KRT80: variants seen among roughly 807,000 people sequenced by gnomAD.
KRT80 encodes keratin 80.
KRT80 carries 36 observed loss-of-function variants against 51.5 expected under a neutral mutation model. That is an observed-to-expected ratio of 0.70 (90% CI 0.54 to 0.92). KRT80 has a LOEUF of 0.92. Among genes scored for constraint, KRT80 ranks in the 40% least tolerant of loss-of-function variants. The probability of loss-of-function intolerance (pLI) is 0.00; values close to 1 mark genes in which losing one functional copy is unlikely to be tolerated. For synonymous variants in KRT80, 235 were observed against 248.3 expected (o/e 0.95, Z 0.50); for missense variants, 566 against 591.7 (o/e 0.96, Z 0.45).
chr12:52,191,750 C>T lies in KRT80; in HGVS notation c.153G>A (p.Ser51=), dbSNP rs201490057. 3.5e-5 allele frequency: 56 copies of T among 1,613,364 alleles called. No homozygotes were observed. The highest frequency in any genetic ancestry group is 2.7e-4 in the Admixed American group (16 of 60,016). ...CAGTCACCTTGGAGATAGTGCCAGC[C>T]GACCAGCAGCCTGTGAGGCTGCGGG... ...FSSRSLTGCW[S]AGTISKVTVN... The change falls in exon 1 of 9, where the codon TCG becomes TCA. Residue 51 remains serine, a synonymous_variant. Transcript: ENST00000394815.
chr12:52,177,353 C>T (rs564634546), intron 4 of KRT80, among the ~76,000 whole-genome samples: 4 of 152,256 alleles, frequency 2.6e-5, no homozygotes, highest in Non-Finnish European at 4.4e-5. Flanking sequence ...GGATGGACCT[C>T]CCTCGAGGTG....
At chr12:52,191,534 AAC>A (rs1172728570) in intron 1 of KRT80, 67 bp downstream of exon 1, 6 of 1,436,688 alleles carry the variant, frequency 4.2e-6, no homozygotes, top group Non-Finnish European at 4.7e-6. Flanking sequence ...TGCTCAGGGA[AAC>A]ACAGAGCTCA....
chr12:52,173,219 G>T, intron 5 of KRT80, 56 bp from the exon 6 acceptor site: 1 of 1,496,532 alleles, frequency 6.7e-7, no homozygotes. Flanking sequence ...CCCAGCACTT[G>T]TTACCCGCCT....
rs1941144414 is a variant in KRT80, at chr12:52,173,086, A to G, written c.909T>C (p.Asn303=). The G allele has an allele frequency of 2.5e-6, 4 of 1,613,368 alleles. No individual in the cohort carries two copies. Among genetic ancestry groups the G allele is most frequent in the East Asian group, 2.2e-5 (1 of 44,850 alleles). Residue 303 remains asparagine, a synonymous_variant, in exon 6 of 9, where the codon AAT becomes AAC. Coordinates refer to ENST00000394815, the MANE Select transcript of KRT80 (RefSeq NM_182507.3). ...GGGACCGCAGCTTCTGGATGCGCAC[A>G]TTGAGATCCGCGATCTCGCTGCGGC... ...QSSRSEIADL[N]VRIQKLRSQI...
At chr12:52,185,178 AG>A (rs888834071) in intron 2 of KRT80, among the ~76,000 whole-genome samples, 200 bp downstream of exon 2, 1 of 152,180 alleles carries the variant, frequency 6.6e-6, no homozygotes, top group Non-Finnish European at 1.5e-5. Flanking sequence ...GCTATTAGGG[AG>A]GGGGCGGCTG....
intron 6 of KRT80, 142 bp downstream of exon 6, chr12:52,172,896 G>T: frequency 1.1e-6 from 1 of 930,686 alleles, no homozygotes. Flanking sequence ...TATCCCATTT[G>T]ACAGATTAGG....
At chr12:52,183,596 C>T (rs150725453) in intron 2 of KRT80, among the ~76,000 whole-genome samples, 8 of 152,350 alleles carry the variant, frequency 5.3e-5, no homozygotes, top group Middle Eastern at 3.4e-3. Context: ...GGAAGAGAGG[C>T]TCAGCCTAAG....
At chr12:52,174,837 G>A (rs1185090541) in intron 4 of KRT80, among the ~76,000 whole-genome samples, 1 of 152,240 alleles carries the variant, frequency 6.6e-6, no homozygotes, top group Non-Finnish European at 1.5e-5. Flanking sequence ...TCAGGGGTGT[G>A]TAGGGAGGCA....
chr12:52,185,707 A>T (rs779003074), intron 1 of KRT80, 120 bp from the exon 2 acceptor site: 45 of 1,531,072 alleles, frequency 2.9e-5, no homozygotes, highest in Middle Eastern at 1.7e-4. Flanking sequence ...ATTTATGCAC[A>T]CCACCCAGGG....
At chr12:52,187,627 A>T (rs1259834402) in intron 1 of KRT80, among the ~76,000 whole-genome samples, 1 of 152,164 alleles carries the variant, frequency 6.6e-6, no homozygotes, top group Non-Finnish European at 1.5e-5. Context: ...GCGGGCTGCC[A>T]TTCCCCTGCA....
intron 4 of KRT80, among the ~76,000 whole-genome samples, chr12:52,175,442 C>T (rs1320910577): frequency 6.6e-6 from 1 of 152,068 alleles, no homozygotes; most frequent in African/African-American, 2.4e-5. Context: ...TCTGGGCGCC[C>T]TCCTGATCCT....
intron 4 of KRT80, among the ~76,000 whole-genome samples, chr12:52,178,558 G>C (rs1941270591): frequency 1.3e-5 from 2 of 152,168 alleles, no homozygotes; most frequent in South Asian, 4.1e-4. Flanking sequence ...CCTCCTTCCG[G>C]CTCCAGCGCA....
chr12:52,185,435 C>A lies in KRT80; in HGVS notation c.453G>T (p.Gly151=). 6.2e-7 allele frequency: 1 copy of A among 1,614,010 alleles called. No individual in the cohort carries two copies. The highest frequency in any genetic ancestry group is 1.6e-4 in the Middle Eastern group (1 of 6,062). ...EELRKVSQER[G]QLEANLLQVL... ...CCTGCAGCAGGTTGGCCTCCAGCTGCCCCCGCTCCTGGCTCACTTTGCGCA... is the reference window on the plus strand; with the variant it reads ...CCTGCAGCAGGTTGGCCTCCAGCTGACCCCGCTCCTGGCTCACTTTGCGCA... Residue 151 remains glycine, a synonymous_variant, in exon 2 of 9, where the codon GGG becomes GGT. Coordinates refer to ENST00000394815, the MANE Select transcript of KRT80 (RefSeq NM_182507.3).
chr12:52,181,779 C>T (rs894527359), intron 2 of KRT80, among the ~76,000 whole-genome samples: 1 of 152,266 alleles, frequency 6.6e-6, no homozygotes, highest in African/African-American at 2.4e-5. Context: ...CCCTCTTCCT[C>T]AAGTCAAGAC....
rs551927777 is a variant in KRT80 at position 52,191,964 on chromosome 12, C to T, written c.-62G>A. 2.4e-5 allele frequency: 34 copies of T among 1,388,990 alleles called. No individual in the cohort carries two copies. The highest frequency in any genetic ancestry group is 7.6e-5 in the South Asian group (5 of 65,942). 86.0% of individuals were successfully genotyped at this position (1,388,990 alleles called of 1,614,324 possible). ...TGAGCGAGTGAGCCTGGGGTTGCGT[C>T]GGGTGGCAGGCTCTGGTTGCTCTGG... On this transcript the variant is annotated 5_prime_UTR_variant, in exon 1 of 9. Coordinates refer to ENST00000394815, the MANE Select transcript of KRT80 (RefSeq NM_182507.3).
chr12:52,174,669 C>T (rs532474998), intron 4 of KRT80, among the ~76,000 whole-genome samples: 15 of 152,368 alleles, frequency 9.8e-5, no homozygotes, highest in South Asian at 2.1e-4. Context: ...GTGGAGACAG[C>T]GGTGAGTGGC....
At chr12:52,178,399 T>C (rs1346477235) in intron 4 of KRT80, among the ~76,000 whole-genome samples, 1 of 152,218 alleles carries the variant, frequency 6.6e-6, no homozygotes, top group Non-Finnish European at 1.5e-5. Context: ...ACTTCTTTCT[T>C]TTTCTTTAAT....
chr12:52,189,288 G>A (rs1215101049), intron 1 of KRT80, among the ~76,000 whole-genome samples: 1 of 152,240 alleles, frequency 6.6e-6, no homozygotes, highest in Non-Finnish European at 1.5e-5. Context: ...CCGGCAGGGA[G>A]CCTCTCCCCA....
At position 52,171,202 on chromosome 12, in the gene KRT80, G is replaced by A. The variant is rs992236471; in HGVS notation, c.*196C>T. 4.2e-5 allele frequency: 24 copies of A among 577,964 alleles called. No individual in the cohort carries two copies. Among genetic ancestry groups the A allele is most frequent in the Middle Eastern group, 4.7e-4 (1 of 2,140 alleles). The allele number at this position is 577,964 out of a possible 1,614,324, so 35.8% of individuals were successfully genotyped here. On this transcript the variant is annotated 3_prime_UTR_variant, in exon 9 of 9. Transcript: ENST00000394815. ...GTGAGATACTGATATGGAGCGGAGT[G>A]GCTCTGAGGAGCTGGTGATGCTCCT... is the stretch of plus-strand genomic sequence containing the variant.
Sources: gnomAD v4.1 joint callset for allele counts (sites outside exome capture counted in the v4.1 genomes callset) on GRCh38, gnomAD v4.1.1 for gene constraint, MANE v1.5 for transcripts, NCBI Gene and HGNC (gene_info 2026-07-23, HGNC 2026-07-21) for gene names.